Variants in UNC5D observed in about 807,000 individuals in gnomAD.
UNC5D encodes the protein netrin receptor UNC5D.
A neutral mutation model predicts 105.4 loss-of-function variants in UNC5D; 39 were observed. That is an observed-to-expected ratio of 0.37 (90% confidence interval 0.29 to 0.48). The LOEUF is 0.48. Ranked by LOEUF, UNC5D falls within the 20% of genes least tolerant of loss-of-function variation. The pLI is 0.98. For missense variants in UNC5D, 991 were observed against 1,202.4 expected (o/e 0.82, Z 2.60); for synonymous variants, 452 against 450.4 (o/e 1.00, Z -0.04).
At chr8:35,459,684 G>C (rs950535827) in intron 1 of UNC5D, among the ~76,000 whole-genome samples, 3 of 152,174 alleles carry the variant, frequency 2.0e-5, no homozygotes, top group Non-Finnish European at 4.4e-5. Context: ...TGAAGGAAAT[G>C]TTTGTTTGTT....
chr8:35,413,251 G>T (rs1791956352), intron 1 of UNC5D, among the ~76,000 whole-genome samples: 1 of 123,028 alleles, frequency 8.1e-6, no homozygotes. Flanking sequence ...TCAGGTGGGG[G>T]CGGGTCTGTG....
At chr8:35,301,176 T>G (rs1391909836) in intron 1 of UNC5D, among the ~76,000 whole-genome samples, 1 of 152,262 alleles carries the variant, frequency 6.6e-6, no homozygotes, top group South Asian at 2.1e-4. Context: ...TTGAGATGTC[T>G]TGTGGTGCCA....
At chr8:35,330,497 C>G (rs959960812) in intron 1 of UNC5D, among the ~76,000 whole-genome samples, 1 of 152,180 alleles carries the variant, frequency 6.6e-6, no homozygotes, top group South Asian at 2.1e-4. Context: ...CTAGCTGATG[C>G]GCTACAGTTA....
intron 4 of UNC5D, among the ~76,000 whole-genome samples, chr8:35,628,775 A>G (rs916818824): frequency 7.2e-5 from 11 of 152,236 alleles, no homozygotes; most frequent in Non-Finnish European, 1.2e-4. Flanking sequence ...TTTAATGCTT[A>G]TCATGGTATG....
At position 35,595,361 on chromosome 8, in the gene UNC5D, C is replaced by T. The variant is rs145520869; in HGVS notation, c.467-193C>T. On this transcript the variant is annotated intron_variant, in intron 3 of 16. Transcript: ENST00000404895. ...ATAGGACATCAGAAACTGTTTTGTCCAGGTTATTTCACATGCATTTATGAA... is the reference window on the plus strand; with the variant it reads ...ATAGGACATCAGAAACTGTTTTGTCTAGGTTATTTCACATGCATTTATGAA... Among the ~76,000 whole-genome samples the T allele has an allele frequency of 2.6e-5, 4 of 152,158 alleles. No homozygotes were observed. In the East Asian group the frequency reaches 7.7e-4, roughly 29 times the overall value.
intron 1 of UNC5D, among the ~76,000 whole-genome samples, chr8:35,348,898 A>T (rs1812000881): frequency 6.6e-6 from 1 of 151,914 alleles, no homozygotes. Flanking sequence ...TCTATTAGAC[A>T]TGAAATTTTA....
chr8:35,690,933 CCTT>C (rs1471260774), intron 7 of UNC5D, among the ~76,000 whole-genome samples: 2 of 152,214 alleles, frequency 1.3e-5, no homozygotes, highest in Non-Finnish European at 2.9e-5. Flanking sequence ...TCAATTTCCA[CCTT>C]CTCGTGGAGG....
Position 35,305,019 on chromosome 8 carries a change from G to T in UNC5D, c.103+69132G>T, listed in dbSNP as rs554693626. ...TTTTAGGCTGAAGAATTGAAGCAGT[G>T]CCATTGATGATTTTTTTCCATGATC... is the stretch of plus-strand genomic sequence containing the variant. On this transcript the variant is annotated intron_variant, in intron 1 of 16. Coordinates refer to ENST00000404895, the MANE Select transcript of UNC5D (RefSeq NM_080872.4). Among the ~76,000 whole-genome samples, 3 of 152,202 alleles carry T rather than the reference G, an allele frequency of 2.0e-5. No individual in the cohort carries two copies. In the East Asian group the frequency reaches 5.8e-4, roughly 29 times the overall value.
At chr8:35,260,724 A>G (rs571909954) in intron 1 of UNC5D, among the ~76,000 whole-genome samples, 2 of 152,316 alleles carry the variant, frequency 1.3e-5, no homozygotes, top group Admixed American at 1.3e-4. Context: ...TCTGCCTCGC[A>G]AAGTGCTAGT....
At chr8:35,312,985 A>G (rs1395898560) in intron 1 of UNC5D, among the ~76,000 whole-genome samples, 1 of 152,228 alleles carries the variant, frequency 6.6e-6, no homozygotes. Flanking sequence ...ATGGTGAGAT[A>G]GTTCTGTCAG....
intron 4 of UNC5D, among the ~76,000 whole-genome samples, chr8:35,675,031 GTTTT>G (rs1232561753): frequency 6.6e-6 from 1 of 151,988 alleles, no homozygotes; most frequent in African/African-American, 2.4e-5. Flanking sequence ...TTCCCAAGAC[GTTTT>G]TTACTATAGT....
chr8:35,559,672 A>G (rs1391483529), intron 2 of UNC5D, among the ~76,000 whole-genome samples: 1 of 152,214 alleles, frequency 6.6e-6, no homozygotes, highest in African/African-American at 2.4e-5. Flanking sequence ...ATCCTAGACT[A>G]TGACCATCAC....
At chr8:35,397,542 C>T (rs1196552903) in intron 1 of UNC5D, among the ~76,000 whole-genome samples, 1 of 152,218 alleles carries the variant, frequency 6.6e-6, no homozygotes, top group African/African-American at 2.4e-5. Flanking sequence ...ACAGCAGATG[C>T]TTCTTGAGAA....
At chr8:35,290,927 G>A (rs988746433) in intron 1 of UNC5D, among the ~76,000 whole-genome samples, 9 of 141,878 alleles carry the variant, frequency 6.3e-5, no homozygotes, top group Admixed American at 1.5e-4. Context: ...CAGCCTGGGC[G>A]ACAAAAGCGA....
chr8:35,772,721 A>AAAAT (rs1802062462), intron 15 of UNC5D, among the ~76,000 whole-genome samples: 1 of 152,098 alleles, frequency 6.6e-6, no homozygotes, highest in South Asian at 2.1e-4. Flanking sequence ...TTAGAAGCAT[A>AAAAT]AAATGACATT....
intron 1 of UNC5D, among the ~76,000 whole-genome samples, chr8:35,416,083 G>A (rs1585791299): frequency 6.6e-6 from 1 of 152,178 alleles, no homozygotes; most frequent in African/African-American, 2.4e-5. Context: ...TTGAGGTGAT[G>A]GACACCCCAT....
At chr8:35,403,258 C>T (rs1219144826) in intron 1 of UNC5D, among the ~76,000 whole-genome samples, 1 of 152,226 alleles carries the variant, frequency 6.6e-6, no homozygotes, top group East Asian at 1.9e-4. Context: ...TTCAGGGCAC[C>T]TCCTTAGCAA....
intron 1 of UNC5D, among the ~76,000 whole-genome samples, chr8:35,436,533 A>G (rs2128979714): frequency 6.6e-6 from 1 of 152,168 alleles, no homozygotes; most frequent in South Asian, 2.1e-4. Flanking sequence ...AGTATACCAA[A>G]AACTGTGTAT....
intron 1 of UNC5D, among the ~76,000 whole-genome samples, chr8:35,391,005 C>T (rs990069003): frequency 1.8e-4 from 27 of 152,108 alleles, no homozygotes; most frequent in African/African-American, 6.5e-4. Flanking sequence ...GCCATTGGGG[C>T]TTGTATTGGG....
Sources: allele counts gnomAD v4.1 joint callset (sites outside exome capture counted in the v4.1 genomes callset), GRCh38; gene constraint gnomAD v4.1.1; transcripts MANE v1.5; gene names NCBI Gene and HGNC (gene_info 2026-07-23, HGNC 2026-07-21).